The following MFSD12 variants were observed in gnomAD, a reference collection of about 807,000 sequenced individuals.
MFSD12 encodes major facilitator superfamily domain containing 12.
Under a neutral mutation model 51.2 loss-of-function variants are expected in MFSD12, and 67 were observed. The ratio of observed to expected loss-of-function variants is 1.31; its 90% CI spans 1.08 to 1.60. The LOEUF (loss-of-function observed/expected upper bound fraction) is 1.60, where lower values mean the gene tolerates loss of function less well. MFSD12 is among the 40% of genes most tolerant of loss of function. MFSD12 has a pLI of 0.00. For synonymous variants in MFSD12, 441 were observed against 316.7 expected (o/e 1.39, Z -4.17); for missense variants, 921 against 673.0 (o/e 1.37, Z -4.08).
Position 3,547,875 on chromosome 19 carries a change from G to A in MFSD12, c.810C>T (p.His270=), listed in dbSNP as rs760962120. ...ATAQPLLLWK[H]WLREPAFYQV... ...GGTAGAAAGCCGGCTCCCGGAGCCA[G>A]TGCTTCCAGAGCAGCAGGGGCTGGG... Residue 270 remains histidine (H), a synonymous_variant, in exon 4 of 10, where the codon CAC becomes CAT. Coordinates refer to ENST00000355415, the MANE Select transcript of MFSD12 (RefSeq NM_174983.5). The A allele has an allele frequency of 5.2e-6, 8 of 1,534,716 alleles. No individual in the cohort carries two copies. In the East Asian group the frequency reaches 1.9e-4, roughly 36 times the overall value.
At chr19:3,538,603 TG>T in exon 5 of MFSD12, 1 of 438,408 alleles carries the variant, frequency 2.3e-6, no homozygotes. Flanking sequence ...CACTGTGGCC[TG>T]GGTCAGAGCT....
In MFSD12 at chr19:3,551,271, G is replaced by C; in HGVS notation, c.299-77C>G. ...TCCCAGGGTGAGGACATGGAGGGAGGAGAGAGGGAAACTGAGGCACAGATG... is the reference window on the plus strand; with the variant it reads ...TCCCAGGGTGAGGACATGGAGGGAGCAGAGAGGGAAACTGAGGCACAGATG... On this transcript the variant is annotated intron_variant, in intron 1 of 9. Coordinates refer to ENST00000355415, the MANE Select transcript of MFSD12 (RefSeq NM_174983.5). The surrounding 1 kb of genome is among the most constrained non-coding windows in gnomAD (Gnocchi z 4.6). 8.2e-7 allele frequency: 1 copy of C among 1,212,212 alleles called. No individual in the cohort carries two copies. Among genetic ancestry groups the C allele is most frequent in the South Asian group, 1.5e-5 (1 of 66,302 alleles). The allele number at this position is 1,212,212 out of a possible 1,614,324, so 75.1% of individuals were successfully genotyped here.
chr19:3,557,493 G>A lies in MFSD12; in HGVS notation c.-90C>T, dbSNP rs542703582. ...TGGGTGCCGTGGGGGCAGGCGCCGG[G>A]GACCCCCACCACGCGCCGGGCACCC... On this transcript the variant is annotated 5_prime_UTR_variant, in exon 1 of 10. Coordinates refer to ENST00000355415, the MANE Select transcript of MFSD12 (RefSeq NM_174983.5). 4 of 833,906 alleles carry A rather than the reference G, an allele frequency of 4.8e-6. No individual in the cohort carries two copies. In the South Asian group the frequency reaches 2.4e-4, roughly 49 times the overall value. 51.7% of individuals were successfully genotyped at this position (833,906 alleles called of 1,614,324 possible).
Position 3,557,118 on chromosome 19 carries a change from A to G in MFSD12, c.286T>C (p.Trp96Arg). The part of the protein sequence containing the change: ...CCARYGPRKA[W>R]HLVGTVCVLL... ...CCGGGACGCTTACCGACCAGGTGCC[A>G]GGCCTTGCGCGGGCCGTAGCGGGCG... The change falls in exon 1 of 10, where the codon TGG (tryptophan) becomes CGG (arginine). Residue 96 changes from tryptophan to arginine, a missense_variant. Coordinates refer to ENST00000355415, the MANE Select transcript of MFSD12 (RefSeq NM_174983.5). The G allele has an allele frequency of 1.3e-6, 2 of 1,494,326 alleles. No individual in the cohort carries two copies. Among genetic ancestry groups the G allele is most frequent in the Non-Finnish European group, 1.8e-6 (2 of 1,125,734 alleles). 92.6% of individuals were successfully genotyped at this position (1,494,326 alleles called of 1,614,324 possible). A position where few individuals can be genotyped will look rare whatever the true frequency, so the allele number is the denominator to read the frequency against.
At chr19:3,542,010 A>G (rs899375904), downstream of MFSD12, 2 of 486,638 alleles carry the variant, frequency 4.1e-6, no homozygotes, top group African/African-American at 4.2e-5. Context: ...GGGTTTCACC[A>G]TGTTGGTCAG....
downstream of MFSD12, chr19:3,543,241 C>T: frequency 6.5e-7 from 1 of 1,544,320 alleles, no homozygotes; most frequent in Non-Finnish European, 8.7e-7. Flanking sequence ...TCAGCGATGA[C>T]TACCTGTCCC....
intron 2 of MFSD12, among the ~76,000 whole-genome samples, chr19:3,549,268 G>C (rs1386845384): frequency 1.3e-5 from 2 of 152,190 alleles, no homozygotes; most frequent in East Asian, 3.9e-4. Flanking sequence ...CCCCAGAGAG[G>C]CCTGCCCATC....
intron 4 of MFSD12, 43 bp from the exon 5 acceptor site, chr19:3,547,590 C>T (rs780062478): frequency 6.5e-7 from 1 of 1,536,502 alleles, no homozygotes; most frequent in Non-Finnish European, 8.9e-7. Flanking sequence ...GTCAGGAGGG[C>T]CTTCTCCACT....
At chr19:3,554,463 AAAAG>A (rs893203246) in intron 1 of MFSD12, among the ~76,000 whole-genome samples, 13 of 139,910 alleles carry the variant, frequency 9.3e-5, no homozygotes, top group Admixed American at 1.4e-4. Flanking sequence ...AAAAAAAAAA[AAAAG>A]AAAGAAAGTT....
At chr19:3,544,185 G>A, downstream of MFSD12, 1 of 1,370,424 alleles carries the variant, frequency 7.3e-7, no homozygotes, top group East Asian at 2.8e-5. Context: ...CCCGCAGGCA[G>A]ACAGGAGCCA....
chr19:3,539,421 C>T (rs374855790), downstream of MFSD12: 218 of 591,302 alleles, frequency 3.7e-4, 3 homozygotes, highest in South Asian at 3.9e-3. Context: ...TGTTCCCCTC[C>T]GGCCAGTGGC....
At chr19:3,545,256 C>T (rs1353106781) in intron 8 of MFSD12, among the ~76,000 whole-genome samples, 2 of 152,234 alleles carry the variant, frequency 1.3e-5, no homozygotes, top group Non-Finnish European at 2.9e-5. Flanking sequence ...CTCCCGGCAG[C>T]AACCACCAGA....
At chr19:3,540,871 CAA>C (rs1161701645), downstream of MFSD12, among the ~76,000 whole-genome samples, 9 of 61,020 alleles carry the variant, frequency 1.5e-4, no homozygotes, top group Non-Finnish European at 9.8e-5. Flanking sequence ...AACTCCATCT[CAA>C]AAAAAAAAAA....
At chr19:3,545,093 C>T (rs527460845) in intron 8 of MFSD12, among the ~76,000 whole-genome samples, 154 bp from the exon 9 acceptor site, 39 of 152,258 alleles carry the variant, frequency 2.6e-4, no homozygotes, top group African/African-American at 8.2e-4. Flanking sequence ...TGTCCCACAC[C>T]CAACAGCTCG....
chr19:3,544,054 A>G, downstream of MFSD12: 3 of 1,489,208 alleles, frequency 2.0e-6, no homozygotes, highest in South Asian at 1.3e-5. Context: ...CACCCAGATG[A>G]GGGGGCACTA....
At chr19:3,545,989 G>A (rs1195361251) in intron 8 of MFSD12, 85 bp downstream of exon 8, 2 of 1,437,682 alleles carry the variant, frequency 1.4e-6, no homozygotes, top group Non-Finnish European at 1.9e-6. Context: ...TGGATGCCCA[G>A]ACCCAGAACA....
chr19:3,542,209 G>A, downstream of MFSD12: 1 of 985,370 alleles, frequency 1.0e-6, no homozygotes, highest in East Asian at 1.1e-4. Flanking sequence ...CCTTTCTAGT[G>A]GAAAAGCCGA....
downstream of MFSD12, chr19:3,541,800 ATTATTC>A: frequency 1.0e-6 from 1 of 984,648 alleles, no homozygotes; most frequent in Non-Finnish European, 1.2e-6. Context: ...CTCATTGAAT[ATTATTC>A]TGTGCTGTTT....
At chr19:3,554,579 A>G (rs1209373190) in intron 1 of MFSD12, among the ~76,000 whole-genome samples, 1 of 152,080 alleles carries the variant, frequency 6.6e-6, no homozygotes, top group Non-Finnish European at 1.5e-5. Context: ...CAAAGTGAGG[A>G]CTGTTCCTAC....
Sources: allele counts gnomAD v4.1 joint callset (sites outside exome capture counted in the v4.1 genomes callset), GRCh38; gene constraint gnomAD v4.1.1; non-coding constraint Gnocchi (gnomAD v3.1); transcripts MANE v1.5; gene names NCBI Gene and HGNC (gene_info 2026-07-23, HGNC 2026-07-21).